IGSF3: variants seen among roughly 807,000 people sequenced by gnomAD.
The protein encoded by IGSF3 is immunoglobulin superfamily member 3, also known as glu-Trp-Ile EWI motif-containing protein 3.
Under a neutral mutation model 114.4 loss-of-function variants are expected in IGSF3, and 23 were observed. The observed-to-expected ratio is 0.20, with a 90% CI of 0.14 to 0.28. The LOEUF is 0.28. Among genes scored for constraint, IGSF3 ranks in the 10% least tolerant of loss-of-function variants. The pLI is 1.00. For missense variants in IGSF3, 1,172 were observed against 1,591.5 expected (o/e 0.74, Z 4.48); for synonymous variants, 571 against 645.2 (o/e 0.88, Z 1.74).
chr1:116,650,833 G>C lies in IGSF3; in HGVS notation c.43+15451C>G, dbSNP rs4044719. 6.6e-6 allele frequency among the ~76,000 whole-genome samples: 1 copy of C among 152,238 alleles called. No individual in the cohort carries two copies. The highest frequency in any genetic ancestry group is 2.4e-5 in the African/African-American group (1 of 41,466). Reference sequence around the variant, plus strand: ...CATGTGTGCACAGAAAATGGAAAAAGAGCCATGAAATCCAAACAGATGCAA... The same window carrying C: ...CATGTGTGCACAGAAAATGGAAAAACAGCCATGAAATCCAAACAGATGCAA... On this transcript the variant is annotated intron_variant, in intron 2 of 10. Coordinates refer to ENST00000369486, the MANE Select transcript of IGSF3 (RefSeq NM_001007237.3). This position sits in a 1 kb window ranked among gnomAD's most constrained non-coding sequence, Gnocchi z 5.0.
rs1215203397 is a variant in IGSF3 at position 116,577,001 on chromosome 1, C to A, written c.*311G>T. 2 of 306,466 alleles carry A rather than the reference C, an allele frequency of 6.5e-6. No homozygotes were observed. Among genetic ancestry groups the A allele is most frequent in the Non-Finnish European group, 1.2e-5 (2 of 163,160 alleles). The allele number at this position is 306,466 out of a possible 1,614,324, so 19.0% of individuals were successfully genotyped here. On this transcript the variant is annotated 3_prime_UTR_variant, in exon 11 of 11. Coordinates refer to ENST00000369486, the MANE Select transcript of IGSF3 (RefSeq NM_001007237.3). This position sits in a 1 kb window ranked among gnomAD's most constrained non-coding sequence, Gnocchi z 5.7. ...CAAAGAATAAGAAGCCCTGTAACATCTATCTGAGAATACTAGATAAATCTG... is the reference window on the plus strand; with the variant it reads ...CAAAGAATAAGAAGCCCTGTAACATATATCTGAGAATACTAGATAAATCTG...
intron 2 of IGSF3, among the ~76,000 whole-genome samples, chr1:116,659,211 AT>A (rs1649009650): frequency 6.6e-6 from 1 of 152,028 alleles, no homozygotes; most frequent in Admixed American, 6.5e-5. Context: ...TTGGAAGCTA[AT>A]TTCTAGAATA....
In IGSF3 at chr1:116,638,989, T is replaced by C. The variant is rs1296920621; in HGVS notation, c.44-22532A>G. ...CACAGGTAGGAAGACAAGCATAGAA[T>C]TAAGAACAAAGCAACTAACTGTACC... is the stretch of plus-strand genomic sequence containing the variant. On this transcript the variant is annotated intron_variant, in intron 2 of 10. Transcript: ENST00000369486. This position sits in a 1 kb window ranked among gnomAD's most constrained non-coding sequence, Gnocchi z 4.1. 2.0e-5 allele frequency among the ~76,000 whole-genome samples: 3 copies of C among 152,080 alleles called. No homozygotes were observed. Among genetic ancestry groups the C allele is most frequent in the Non-Finnish European group, 2.9e-5 (2 of 68,016 alleles).
At chr1:116,620,116 G>A (rs1447091941) in intron 2 of IGSF3, among the ~76,000 whole-genome samples, 3 of 152,060 alleles carry the variant, frequency 2.0e-5, no homozygotes, top group Non-Finnish European at 4.4e-5. Context: ...CCCAGTTCCT[G>A]GCACTGAGCT....
chr1:116,641,874 G>T (rs1648118230), intron 2 of IGSF3, among the ~76,000 whole-genome samples: 2 of 150,670 alleles, frequency 1.3e-5, no homozygotes, highest in Admixed American at 6.6e-5. Context: ...TTTGAGACTG[G>T]GTCTGATTCT....
Position 116,656,372 on chromosome 1 carries a change from C to T in IGSF3, c.43+9912G>A, listed in dbSNP as rs1191974282. ...CTGGAGTGCAGTGGCGCAATCTCGGCTCACTGCAAGCTCCGCCTCCCGGGT... is the reference window on the plus strand; with the variant it reads ...CTGGAGTGCAGTGGCGCAATCTCGGTTCACTGCAAGCTCCGCCTCCCGGGT... On this transcript the variant is annotated intron_variant, in intron 2 of 10. Transcript: ENST00000369486. Among the ~76,000 whole-genome samples, 3 of 135,916 alleles carry T rather than the reference C, an allele frequency of 2.2e-5. No individual in the cohort carries two copies. The East Asian group carries it at 6.5e-4, about 29-fold the overall frequency. The allele number at this position is 135,916 out of a possible 152,430, so 89.2% of individuals were successfully genotyped here.
At position 116,584,617 on chromosome 1, in the gene IGSF3, G is replaced by A. The variant is rs1156698113; in HGVS notation, c.2848+28C>T. On this transcript the variant is annotated intron_variant, in intron 9 of 10. Coordinates refer to ENST00000369486, the MANE Select transcript of IGSF3 (RefSeq NM_001007237.3). The surrounding 1 kb of genome is among the most constrained non-coding windows in gnomAD (Gnocchi z 5.8). Reference sequence around the variant, plus strand: ...ACTTAAATGGGAAACACCAGAGGGAGTGGAAGCTTGGGGACGTGGACCCTC... The same window carrying A: ...ACTTAAATGGGAAACACCAGAGGGAATGGAAGCTTGGGGACGTGGACCCTC... The A allele has an allele frequency of 1.9e-6, 3 of 1,611,396 alleles. No homozygotes were observed. Among genetic ancestry groups the A allele is most frequent in the Non-Finnish European group, 2.5e-6 (3 of 1,177,732 alleles).
intron 2 of IGSF3, among the ~76,000 whole-genome samples, chr1:116,640,113 A>G (rs1648025388): frequency 6.6e-6 from 1 of 152,146 alleles, no homozygotes; most frequent in Non-Finnish European, 1.5e-5. Context: ...AGGATTAAAT[A>G]ACAAAAAATG....
intron 2 of IGSF3, among the ~76,000 whole-genome samples, chr1:116,626,129 A>G (rs1647234859): frequency 1.3e-5 from 2 of 152,220 alleles, no homozygotes; most frequent in Admixed American, 1.3e-4. Context: ...ATTTACTTAA[A>G]TATTTTAAAA....
chr1:116,606,527 G>A (rs746373443), intron 5 of IGSF3: 5 of 1,235,356 alleles, frequency 4.0e-6, no homozygotes, highest in Admixed American at 1.7e-5. Context: ...GTGGTGCTGG[G>A]GGACTTTAAC....
In IGSF3 at chr1:116,596,292, C is replaced by T. The variant is rs1571135894; in HGVS notation, c.2029+3649G>A. Among the ~76,000 whole-genome samples the T allele has an allele frequency of 6.6e-6, 1 of 152,280 alleles. No individual in the cohort carries two copies. Among genetic ancestry groups the T allele is most frequent in the East Asian group, 1.9e-4 (1 of 5,184 alleles). ...TCTGATGGAATAAGAATATTTAACA[C>T]AATATTCTTTAAAACGGGGGTAGCA... is the stretch of plus-strand genomic sequence containing the variant. On this transcript the variant is annotated intron_variant, in intron 7 of 10. Transcript: ENST00000369486. This position sits in a 1 kb window ranked among gnomAD's most constrained non-coding sequence, Gnocchi z 4.1.
rs868295052 is a variant in IGSF3 at position 116,598,740 on chromosome 1, G to A, written c.2029+1201C>T. Among the ~76,000 whole-genome samples, 2 of 152,154 alleles carry A rather than the reference G, an allele frequency of 1.3e-5. No homozygotes were observed. Among genetic ancestry groups the A allele is most frequent in the Non-Finnish European group, 2.9e-5 (2 of 68,016 alleles). ...GCCTGCACAGGTGTCTGTTCCAGCC[G>A]AGGCATGGGCTGGGCGAGGGAAGGA... On this transcript the variant is annotated intron_variant, in intron 7 of 10. Transcript: ENST00000369486. The surrounding 1 kb of genome is among the most constrained non-coding windows in gnomAD (Gnocchi z 4.3).
At position 116,617,959 on chromosome 1, in the gene IGSF3, G is replaced by A. The variant is rs1382881401; in HGVS notation, c.44-1502C>T. Among the ~76,000 whole-genome samples the A allele has an allele frequency of 2.0e-5, 3 of 152,250 alleles. No homozygotes were observed. In the East Asian group the frequency reaches 5.8e-4, roughly 29 times the overall value. ...TTTTCCCCCACAAATGGGAATGGCGGCTGCCCCGGCTATGCCTATCTGAAG... is the reference window on the plus strand; with the variant it reads ...TTTTCCCCCACAAATGGGAATGGCGACTGCCCCGGCTATGCCTATCTGAAG... On this transcript the variant is annotated intron_variant, in intron 2 of 10. Transcript: ENST00000369486.
chr1:116,641,404 G>C (rs1648089643), intron 2 of IGSF3, among the ~76,000 whole-genome samples: 1 of 145,022 alleles, frequency 6.9e-6, no homozygotes. Flanking sequence ...GCTGAGGCAT[G>C]AGAATCGCTT....
Position 116,661,525 on chromosome 1 carries a change from A to G in IGSF3, c.43+4759T>C, listed in dbSNP as rs1319817569. Reference sequence around the variant, plus strand: ...TATATGCTGATTTAGGTTGCTTCCTATGAAACAAACGTTGGTTCATCTAAC... The same window carrying G: ...TATATGCTGATTTAGGTTGCTTCCTGTGAAACAAACGTTGGTTCATCTAAC... On this transcript the variant is annotated intron_variant, in intron 2 of 10. Transcript: ENST00000369486. This position sits in a 1 kb window ranked among gnomAD's most constrained non-coding sequence, Gnocchi z 4.0. 6.6e-6 allele frequency among the ~76,000 whole-genome samples: 1 copy of G among 152,254 alleles called. No homozygotes were observed. The highest frequency in any genetic ancestry group is 1.5e-5 in the Non-Finnish European group (1 of 68,048).
chr1:116,579,951 C>T lies in IGSF3; in HGVS notation c.2849-74G>A. 2 of 1,257,650 alleles carry T rather than the reference C, an allele frequency of 1.6e-6. No homozygotes were observed. The highest frequency in any genetic ancestry group is 2.4e-5 in the East Asian group (1 of 40,990). 77.9% of individuals were successfully genotyped at this position (1,257,650 alleles called of 1,614,324 possible). A position where few individuals can be genotyped will look rare whatever the true frequency, so the allele number is the denominator to read the frequency against. On this transcript the variant is annotated intron_variant, in intron 9 of 10. Coordinates refer to ENST00000369486, the MANE Select transcript of IGSF3 (RefSeq NM_001007237.3). The surrounding 1 kb of genome is among the most constrained non-coding windows in gnomAD (Gnocchi z 6.4). The stretch of plus-strand genomic sequence containing the variant: ...TGCTCAAAATAAACTAAATGTCCAT[C>T]ATTAAACACATGATAGTAACATCCA...
At chr1:116,630,337 TG>T (rs1647501499) in intron 2 of IGSF3, among the ~76,000 whole-genome samples, 1 of 152,242 alleles carries the variant, frequency 6.6e-6, no homozygotes, top group Non-Finnish European at 1.5e-5. Context: ...GCTTTCTCTC[TG>T]GTTATCACCT....
chr1:116,589,996 C>T lies in IGSF3; in HGVS notation c.2030-892G>A, dbSNP rs371061768. On this transcript the variant is annotated intron_variant, in intron 7 of 10. Transcript: ENST00000369486. The surrounding 1 kb of genome is among the most constrained non-coding windows in gnomAD (Gnocchi z 5.7). ...ATCAGTGTTTGCTGAAATAGGTGAA[C>T]GAGTGGGTGAGCGAATGAGAGCACG... Among the ~76,000 whole-genome samples the T allele has an allele frequency of 2.0e-5, 3 of 151,832 alleles. No homozygotes were observed. The highest frequency in any genetic ancestry group is 2.1e-4 in the South Asian group (1 of 4,820).
At chr1:116,646,767 G>A (rs574486881) in intron 2 of IGSF3, 10 of 152,368 alleles carry the variant, frequency 6.6e-5, no homozygotes, top group African/African-American at 1.7e-4. Context: ...TGAAGAGCAC[G>A]TCCTTGCCTG....
Sources: gnomAD v4.1 joint callset for allele counts (sites outside exome capture counted in the v4.1 genomes callset) on GRCh38, gnomAD v4.1.1 for gene constraint, Gnocchi (gnomAD v3.1) non-coding constraint, MANE v1.5 for transcripts, NCBI Gene and HGNC (gene_info 2026-07-23, HGNC 2026-07-21) for gene names.